Variants in CTNND2 observed in about 807,000 individuals in gnomAD.
CTNND2 encodes the protein catenin delta-2.
Under a neutral mutation model 144.4 loss-of-function variants are expected in CTNND2, and 22 were observed. That is an observed-to-expected ratio of 0.15 (90% CI 0.11 to 0.22). The LOEUF (loss-of-function observed/expected upper bound fraction) is 0.22, where lower values mean the gene tolerates loss of function less well. Among genes scored for constraint, CTNND2 ranks in the 10% least tolerant of loss-of-function variants. The probability of loss-of-function intolerance (pLI) is 1.00; values close to 1 mark genes in which losing one functional copy is unlikely to be tolerated. For synonymous variants in CTNND2, 751 were observed against 695.6 expected (o/e 1.08, Z -1.25); for missense variants, 1,353 against 1,618.8 (o/e 0.84, Z 2.82).
chr5:11,010,857 T>A (rs1741003136), intron 18 of CTNND2, among the ~76,000 whole-genome samples: 1 of 152,210 alleles, frequency 6.6e-6, no homozygotes, highest in Non-Finnish European at 1.5e-5. Flanking sequence ...AACCCAAGAG[T>A]CTATCTTCTC....
chr5:11,128,730 A>T (rs75567026), intron 12 of CTNND2, among the ~76,000 whole-genome samples: 11 of 51,794 alleles, frequency 2.1e-4, no homozygotes, highest in South Asian at 1.5e-3. Context: ...CCATATATAT[A>T]ATATATATAT....
rs760838998 is a variant in CTNND2 at position 11,365,291 on chromosome 5, G to A, written c.1178-401C>T. On this transcript the variant is annotated intron_variant, in intron 7 of 21. Coordinates refer to ENST00000304623, the MANE Select transcript of CTNND2 (RefSeq NM_001332.4). ...TACAATAGAAATTATTTTAAATGGC[G>A]AGCCACAATGGCAAAGCCATCTTGA... Among the ~76,000 whole-genome samples, 7 of 152,290 alleles carry A rather than the reference G, an allele frequency of 4.6e-5. No homozygotes were observed. The East Asian group carries it at 5.8e-4, about 13-fold the overall frequency.
chr5:11,255,257 T>C (rs904700376), intron 9 of CTNND2, among the ~76,000 whole-genome samples: 1 of 152,190 alleles, frequency 6.6e-6, no homozygotes, highest in Non-Finnish European at 1.5e-5. Context: ...TCATGAAAAA[T>C]GTCCATGCAT....
intron 1 of CTNND2, 62 bp from the exon 2 acceptor site, chr5:11,732,334 C>T: frequency 6.6e-7 from 1 of 1,519,822 alleles, no homozygotes; most frequent in Non-Finnish European, 9.0e-7. Flanking sequence ...GTACAACTAT[C>T]AGACCACTTT....
intron 2 of CTNND2, among the ~76,000 whole-genome samples, chr5:11,612,718 A>G (rs1780391032): frequency 6.6e-6 from 1 of 152,036 alleles, no homozygotes; most frequent in Non-Finnish European, 1.5e-5. Flanking sequence ...TGGGCAACAT[A>G]CTGAGATCCC....
chr5:11,168,774 CTT>C (rs1390031996), intron 11 of CTNND2, among the ~76,000 whole-genome samples: 3 of 151,296 alleles, frequency 2.0e-5, no homozygotes, highest in African/African-American at 7.3e-5. Context: ...AATAAAGTAA[CTT>C]AAGTTTGACT....
At chr5:11,773,449 G>A (rs1790061758) in intron 1 of CTNND2, among the ~76,000 whole-genome samples, 1 of 152,214 alleles carries the variant, frequency 6.6e-6, no homozygotes, top group African/African-American at 2.4e-5. Flanking sequence ...AGCCCCAGAT[G>A]CTATTTAAGT....
At chr5:10,993,175 C>G (rs1413119985) in intron 18 of CTNND2, among the ~76,000 whole-genome samples, 2 of 152,124 alleles carry the variant, frequency 1.3e-5, no homozygotes, top group Non-Finnish European at 2.9e-5. Context: ...CCCCAAATGC[C>G]CACCCTCGCC....
At chr5:11,288,034 G>A (rs1747930053) in intron 9 of CTNND2, among the ~76,000 whole-genome samples, 1 of 152,096 alleles carries the variant, frequency 6.6e-6, no homozygotes, top group Admixed American at 6.6e-5. Context: ...GAAAATTTCT[G>A]GACCATGTCA....
At chr5:10,981,046 AAAAAT>A (rs964140520) in intron 21 of CTNND2, among the ~76,000 whole-genome samples, 2 of 152,124 alleles carry the variant, frequency 1.3e-5, no homozygotes, top group Admixed American at 6.5e-5. Flanking sequence ...GTATAATAAT[AAAAAT>A]AAAATAATAA....
At chr5:11,833,853 C>T (rs1469462136) in intron 1 of CTNND2, among the ~76,000 whole-genome samples, 1 of 152,106 alleles carries the variant, frequency 6.6e-6, no homozygotes, top group Non-Finnish European at 1.5e-5. Flanking sequence ...CTTTTGGCTG[C>T]AGTCACATGA....
intron 1 of CTNND2, among the ~76,000 whole-genome samples, chr5:11,900,497 G>C (rs535479075): frequency 1.3e-5 from 2 of 152,308 alleles, no homozygotes; most frequent in African/African-American, 4.8e-5. Context: ...CAGTAGGCTG[G>C]ATTGGCAGAC....
intron 1 of CTNND2, among the ~76,000 whole-genome samples, chr5:11,856,599 G>C (rs1046300127): frequency 1.3e-5 from 2 of 152,062 alleles, no homozygotes; most frequent in Non-Finnish European, 2.9e-5. Context: ...CAAAACAGAG[G>C]ATAGAATATG....
chr5:11,254,981 T>C (rs1214333111), intron 9 of CTNND2, among the ~76,000 whole-genome samples: 4 of 152,196 alleles, frequency 2.6e-5, no homozygotes, highest in Non-Finnish European at 5.9e-5. Context: ...TGGGTTGCTG[T>C]TGTAATTTAA....
At chr5:11,464,854 T>C (rs1385624023) in intron 3 of CTNND2, among the ~76,000 whole-genome samples, 1 of 152,222 alleles carries the variant, frequency 6.6e-6, no homozygotes, top group Non-Finnish European at 1.5e-5. Flanking sequence ...ATTCTAGGAA[T>C]ATACCATGAT....
intron 1 of CTNND2, among the ~76,000 whole-genome samples, chr5:11,735,993 C>T (rs1176250905): frequency 3.3e-5 from 5 of 152,102 alleles, no homozygotes; most frequent in Non-Finnish European, 5.9e-5. Context: ...CTAATTCAGG[C>T]TCTGAGCCAG....
intron 16 of CTNND2, among the ~76,000 whole-genome samples, chr5:11,060,364 G>A (rs1352258295): frequency 6.6e-6 from 1 of 152,094 alleles, no homozygotes; most frequent in Non-Finnish European, 1.5e-5. Flanking sequence ...CCTGTGCACA[G>A]GGATTCATCA....
intron 8 of CTNND2, among the ~76,000 whole-genome samples, chr5:11,354,858 A>G (rs1484380741): frequency 6.6e-6 from 1 of 152,182 alleles, no homozygotes; most frequent in Non-Finnish European, 1.5e-5. Context: ...GCCACAAACA[A>G]GTCTTAACAA....
At chr5:11,242,753 T>A (rs560104752) in intron 9 of CTNND2, among the ~76,000 whole-genome samples, 1 of 152,316 alleles carries the variant, frequency 6.6e-6, no homozygotes, top group South Asian at 2.1e-4. Context: ...TGTACTAGAA[T>A]GAGCACAGGA....
Sources: gnomAD v4.1 joint callset for allele counts (sites outside exome capture counted in the v4.1 genomes callset) on GRCh38, gnomAD v4.1.1 for gene constraint, MANE v1.5 for transcripts, NCBI Gene and HGNC (gene_info 2026-07-23, HGNC 2026-07-21) for gene names.